FGF12: variants seen among roughly 807,000 people sequenced by gnomAD.
The protein encoded by FGF12 is fibroblast growth factor 12, also known as fibroblast growth factor 12B.
A neutral mutation model predicts 23.6 loss-of-function variants in FGF12; 14 were observed. The observed-to-expected ratio is 0.59, with a 90% CI of 0.39 to 0.93. The LOEUF (loss-of-function observed/expected upper bound fraction) is 0.93, where lower values mean the gene tolerates loss of function less well. Among genes scored for constraint, FGF12 ranks in the 40% least tolerant of loss-of-function variants. FGF12 has a pLI of 0.00. For synonymous variants in FGF12, 62 were observed against 77.3 expected (o/e 0.80, Z 1.04); for missense variants, 175 against 217.8 (o/e 0.80, Z 1.24).
At chr3:192,412,527 C>A (rs1721229623) in intron 2 of FGF12, among the ~76,000 whole-genome samples, 1 of 152,180 alleles carries the variant, frequency 6.6e-6, no homozygotes, top group African/African-American at 2.4e-5. Flanking sequence ...TGGATTCAAT[C>A]GGACAACAAA....
intron 2 of FGF12, among the ~76,000 whole-genome samples, chr3:192,632,830 A>G (rs1305261171): frequency 6.6e-6 from 1 of 152,144 alleles, no homozygotes; most frequent in Non-Finnish European, 1.5e-5. Context: ...TCATGGTTAT[A>G]GAAGCCAGAA....
intron 2 of FGF12, among the ~76,000 whole-genome samples, chr3:192,474,826 A>G (rs1018809362): frequency 2.0e-5 from 3 of 151,550 alleles, no homozygotes; most frequent in African/African-American, 7.3e-5. Context: ...TAGAGGTTGC[A>G]GTAAGCTGAG....
intron 3 of FGF12, among the ~76,000 whole-genome samples, 153 bp from the exon 4 acceptor site, chr3:192,335,617 T>C (rs1286658145): frequency 6.6e-6 from 1 of 152,060 alleles, no homozygotes; most frequent in Non-Finnish European, 1.5e-5. Flanking sequence ...CGAGAGAAAT[T>C]GACTTCTTGA....
intron 2 of FGF12, among the ~76,000 whole-genome samples, chr3:192,553,035 G>A (rs150504590): frequency 1.9e-4 from 29 of 152,140 alleles, no homozygotes; most frequent in South Asian, 8.3e-4. Context: ...TCAAAAATGA[G>A]GATAAAATAA....
rs1025311110 is a variant in FGF12, at chr3:192,360,373, C to T, written c.124+55G>A. 3 of 1,229,330 alleles carry T rather than the reference C, an allele frequency of 2.4e-6. No homozygotes were observed. The highest frequency in any genetic ancestry group is 2.3e-5 in the East Asian group (1 of 42,918). The allele number at this position is 1,229,330 out of a possible 1,614,324, so 76.2% of individuals were successfully genotyped here. On this transcript the variant is annotated intron_variant, in intron 3 of 5. Coordinates refer to ENST00000445105, the MANE Select transcript of FGF12 (RefSeq NM_004113.6). This position sits in a 1 kb window ranked among gnomAD's most constrained non-coding sequence, Gnocchi z 4.3. ...TTAGCAATGCTTTAAGTATAAGATA[C>T]ACTGGGCCCTACATTTGATTTGTAA...
At chr3:192,622,525 A>C (rs966342535) in intron 2 of FGF12, among the ~76,000 whole-genome samples, 2 of 152,172 alleles carry the variant, frequency 1.3e-5, no homozygotes, top group Non-Finnish European at 2.9e-5. Flanking sequence ...AGTTCAAGGC[A>C]GGTCCCCACA....
intron 3 of FGF12, among the ~76,000 whole-genome samples, chr3:192,351,118 T>C (rs949663198): frequency 6.6e-6 from 1 of 152,240 alleles, no homozygotes; most frequent in Admixed American, 6.5e-5. Flanking sequence ...TCTTTTGTAA[T>C]GTGTTTAAAA....
chr3:192,166,612 T>C (rs749616394), intron 5 of FGF12, among the ~76,000 whole-genome samples: 1 of 152,218 alleles, frequency 6.6e-6, no homozygotes, highest in Non-Finnish European at 1.5e-5. Context: ...CTGTGTTTCA[T>C]TTTTCACATT....
intron 2 of FGF12, among the ~76,000 whole-genome samples, chr3:192,513,052 T>C (rs1392002230): frequency 1.3e-5 from 2 of 151,680 alleles, no homozygotes; most frequent in Non-Finnish European, 2.9e-5. Flanking sequence ...GCAGGTAAAC[T>C]GAATATCTTT....
At chr3:192,480,872 T>C (rs1373987000) in intron 2 of FGF12, among the ~76,000 whole-genome samples, 2 of 152,136 alleles carry the variant, frequency 1.3e-5, no homozygotes, top group Admixed American at 6.5e-5. Flanking sequence ...CCCATTACTA[T>C]TGATTGATCA....
intron 2 of FGF12, among the ~76,000 whole-genome samples, chr3:192,518,526 G>T (rs1724735631): frequency 6.6e-6 from 1 of 152,160 alleles, no homozygotes; most frequent in Admixed American, 6.5e-5. Flanking sequence ...ATATTTATCT[G>T]TTTGGAAGAG....
chr3:192,694,526 T>C (rs899867969), intron 2 of FGF12, among the ~76,000 whole-genome samples: 1 of 151,840 alleles, frequency 6.6e-6, no homozygotes, highest in African/African-American at 2.4e-5. Flanking sequence ...GGAAAAGAAA[T>C]TGTGGTGTAT....
At chr3:192,395,107 T>C (rs1000506303) in intron 2 of FGF12, among the ~76,000 whole-genome samples, 1 of 152,182 alleles carries the variant, frequency 6.6e-6, no homozygotes, top group African/African-American at 2.4e-5. Context: ...CCAGTCAAAA[T>C]AGAAATGGGC....
At chr3:192,546,832 T>C (rs1220714279) in intron 2 of FGF12, among the ~76,000 whole-genome samples, 3 of 152,166 alleles carry the variant, frequency 2.0e-5, no homozygotes, top group Non-Finnish European at 4.4e-5. Context: ...GGCAGAGCCC[T>C]TGAGCCCAAT....
Position 192,292,397 on chromosome 3 carries a change from C to T in FGF12, c.228+42964G>A, listed in dbSNP as rs1222641073. Among the ~76,000 whole-genome samples the T allele has an allele frequency of 7.3e-5, 11 of 151,692 alleles. No individual in the cohort carries two copies. In the South Asian group the frequency reaches 8.3e-4, roughly 11 times the overall value. ...TTTTCTAAGTTTTATAAAGAGAATT[C>T]GTGATAATTTACTTTAGGACAGTGA... On this transcript the variant is annotated intron_variant, in intron 4 of 5. Transcript: ENST00000445105.
At chr3:192,603,556 C>T (rs543321128) in intron 2 of FGF12, among the ~76,000 whole-genome samples, 5 of 152,060 alleles carry the variant, frequency 3.3e-5, no homozygotes, top group Admixed American at 2.6e-4. Flanking sequence ...AGAAAGAGTA[C>T]AAAGAGAGGA....
chr3:192,218,084 C>T (rs554038567), intron 4 of FGF12, among the ~76,000 whole-genome samples: 11 of 152,268 alleles, frequency 7.2e-5, no homozygotes, highest in South Asian at 2.1e-4. Flanking sequence ...TGGCCCACGT[C>T]GGCCTCCCAA....
chr3:192,172,739 T>A lies in FGF12; in HGVS notation c.229-2083A>T, dbSNP rs146648666. Among the ~76,000 whole-genome samples, 88 of 150,958 alleles carry A rather than the reference T, an allele frequency of 5.8e-4. 3 individuals carry two copies. The highest frequency in any genetic ancestry group is 2.1e-3 in the African/African-American group (85 of 41,392). On this transcript the variant is annotated intron_variant, in intron 4 of 5. Coordinates refer to ENST00000445105, the MANE Select transcript of FGF12 (RefSeq NM_004113.6). ...CTGTGGAAAATAGGTTGGCAGTGCC[T>A]CAAAAGGTTAAACATACAGTTGCCA... is the stretch of plus-strand genomic sequence containing the variant.
At chr3:192,539,112 A>G (rs1252953296) in intron 2 of FGF12, among the ~76,000 whole-genome samples, 2 of 152,158 alleles carry the variant, frequency 1.3e-5, no homozygotes, top group African/African-American at 2.4e-5. Flanking sequence ...CATCCTTTCC[A>G]GCGTGGATGC....
Sources: gnomAD v4.1 joint callset for allele counts (sites outside exome capture counted in the v4.1 genomes callset) on GRCh38, gnomAD v4.1.1 for gene constraint, Gnocchi (gnomAD v3.1) non-coding constraint, MANE v1.5 for transcripts, NCBI Gene and HGNC (gene_info 2026-07-23, HGNC 2026-07-21) for gene names.